SIM2: variants seen among roughly 807,000 people sequenced by gnomAD.
SIM2 encodes the protein single-minded homolog 2.
In SIM2, 28 loss-of-function variants were observed where a neutral mutation model predicts 64.8. The ratio of observed to expected loss-of-function variants is 0.43; its 90% CI spans 0.32 to 0.59. The LOEUF is 0.59. SIM2 is among the 20% of genes least tolerant of loss of function. The probability of loss-of-function intolerance (pLI) is 0.07; values close to 1 mark genes in which losing one functional copy is unlikely to be tolerated. For synonymous variants in SIM2, 408 were observed against 391.1 expected (o/e 1.04, Z -0.51); for missense variants, 847 against 871.4 (o/e 0.97, Z 0.35).
chr21:36,746,500 G>A (rs946534554), intron 10 of SIM2, among the ~76,000 whole-genome samples: 3 of 152,154 alleles, frequency 2.0e-5, no homozygotes, highest in African/African-American at 7.2e-5. Flanking sequence ...ATTGTGACTT[G>A]AGGCTGAGAT....
chr21:36,727,478 G>A (rs1163434159), intron 6 of SIM2, among the ~76,000 whole-genome samples: 3 of 152,202 alleles, frequency 2.0e-5, no homozygotes, highest in African/African-American at 4.8e-5. Context: ...TTGAGGCCAC[G>A]TGCTAGTCAG....
Position 36,744,858 on chromosome 21 carries a change from C to T in SIM2, c.1298C>T (p.Thr433Met), listed in dbSNP as rs1268421048. The T allele has an allele frequency of 1.9e-6, 3 of 1,614,128 alleles. No homozygotes were observed. The highest frequency in any genetic ancestry group is 1.7e-5 in the Admixed American group (1 of 60,010). The change falls in exon 10 of 11, where the codon ACG becomes ATG. Residue 433 changes from threonine to methionine, a missense_variant. By Grantham distance (81) the Thr-to-Met change is moderately conservative (BLOSUM62 -1). This residue lies in a region of SIM2 where 447 missense variants were observed against 414.6 expected (regional missense o/e 1.08). Transcript: ENST00000290399. ...TCAGAAAGCAGTGACCTTCTGTACACGCCATCCTACAGCCTGCCCTTCTCC... is the reference window on the plus strand; with the variant it reads ...TCAGAAAGCAGTGACCTTCTGTACATGCCATCCTACAGCCTGCCCTTCTCC... ...PHSESSDLLYTPSYSLPFSYH... is the reference protein window; with the variant it reads ...PHSESSDLLYMPSYSLPFSYH...
At chr21:36,734,028 GA>G (rs769839443) in intron 7 of SIM2, among the ~76,000 whole-genome samples, 1 of 152,090 alleles carries the variant, frequency 6.6e-6, no homozygotes, top group African/African-American at 2.4e-5. Context: ...TTTCCCAGGT[GA>G]TCAGGGTGAG....
Position 36,709,209 on chromosome 21 carries a change from C to T in SIM2, c.217C>T (p.Leu73=), listed in dbSNP as rs767347339. ...GGGACAGCCGAGCCGCGCCGGGCCC[C>T]TGGACGGCGTCGCCAAGGAGCTGGG... ...AWGQPSRAGP[L]DGVAKELGSH... Residue 73 remains leucine (L), a synonymous_variant, in exon 2 of 11, where the codon CTG becomes TTG. Transcript: ENST00000290399. 9.3e-6 allele frequency: 15 copies of T among 1,610,482 alleles called. No homozygotes were observed. Among genetic ancestry groups the T allele is most frequent in the Non-Finnish European group, 1.3e-5 (15 of 1,178,910 alleles).
In SIM2 at chr21:36,744,751, C is replaced by T. The variant is rs761052170; in HGVS notation, c.1191C>T (p.Asp397=). 6.2e-7 allele frequency: 1 copy of T among 1,608,344 alleles called. No homozygotes were observed. Among genetic ancestry groups the T allele is most frequent in the South Asian group, 1.1e-5 (1 of 89,948 alleles). ...PPQQYSSFQM[D]KLECGQLGNW... Reference sequence around the variant, plus strand: ...AGCAATACAGCTCGTTCCAAATGGACAAACTGGAATGCGGCCAGCTCGGAA... The same window carrying T: ...AGCAATACAGCTCGTTCCAAATGGATAAACTGGAATGCGGCCAGCTCGGAA... The change falls in exon 10 of 11, where the codon GAC becomes GAT. Residue 397 remains aspartate, a synonymous_variant. Coordinates refer to ENST00000290399, the MANE Select transcript of SIM2 (RefSeq NM_005069.6).
rs140251004 is a variant in SIM2, at chr21:36,725,781, C to T, written c.544-338C>T. 1.9e-3 allele frequency among the ~76,000 whole-genome samples: 287 copies of T among 152,202 alleles called. 2 individuals are homozygous for T. The highest frequency in any genetic ancestry group is 6.7e-3 in the African/African-American group (278 of 41,534). Reference sequence around the variant, plus strand: ...GACTATAGGCATGCACCACCATGCCCGGATAATTTTTGTATTTTTTGTAGA... The same window carrying T: ...GACTATAGGCATGCACCACCATGCCTGGATAATTTTTGTATTTTTTGTAGA... On this transcript the variant is annotated intron_variant, in intron 5 of 10. Coordinates refer to ENST00000290399, the MANE Select transcript of SIM2 (RefSeq NM_005069.6).
chr21:36,722,446 C>T (rs1171711655), intron 4 of SIM2, among the ~76,000 whole-genome samples: 1 of 152,218 alleles, frequency 6.6e-6, no homozygotes, highest in Non-Finnish European at 1.5e-5. Context: ...CCTCGCCCTC[C>T]CTTAGAGGTC....
chr21:36,725,981 G>C, intron 5 of SIM2, 138 bp from the exon 6 acceptor site: 2 of 668,930 alleles, frequency 3.0e-6, no homozygotes, highest in Non-Finnish European at 5.2e-6. Flanking sequence ...ACCGGTGCCT[G>C]TCAGCACATT....
chr21:36,741,294 C>CT (rs747749936), intron 7 of SIM2, among the ~76,000 whole-genome samples: 5 of 152,238 alleles, frequency 3.3e-5, no homozygotes, highest in Non-Finnish European at 7.3e-5. Flanking sequence ...ATGCACTTAA[C>CT]TGACTACTTT....
intron 1 of SIM2, among the ~76,000 whole-genome samples, chr21:36,708,012 G>C (rs986707966): frequency 6.6e-6 from 1 of 152,230 alleles, no homozygotes; most frequent in African/African-American, 2.4e-5. Flanking sequence ...AGCGCCCGCA[G>C]CTCGCTCCGC....
intron 3 of SIM2, among the ~76,000 whole-genome samples, chr21:36,717,897 G>A (rs949189674): frequency 2.6e-5 from 4 of 152,172 alleles, no homozygotes; most frequent in Non-Finnish European, 5.9e-5. Flanking sequence ...GGAATGACTC[G>A]AAAGAAGAAT....
At position 36,726,335 on chromosome 21, in the gene SIM2, C is replaced by A; in HGVS notation, c.743+17C>A. On this transcript the variant is annotated intron_variant, in intron 6 of 10. Transcript: ENST00000290399. This position sits in a 1 kb window ranked among gnomAD's most constrained non-coding sequence, Gnocchi z 4.5. ...GGATTCCAGGTGAGTTCGGCACCTG[C>A]CACAGTGGCTGTGGCCTTCTGGAAG... 6.2e-7 allele frequency: 1 copy of A among 1,604,802 alleles called. No individual in the cohort carries two copies. Among genetic ancestry groups the A allele is most frequent in the Non-Finnish European group, 8.5e-7 (1 of 1,174,812 alleles).
In SIM2 at chr21:36,747,983, C is replaced by T. The variant is rs1456011609; in HGVS notation, c.1895C>T (p.Ala632Val). The T allele has an allele frequency of 9.5e-7, 1 of 1,051,896 alleles. No homozygotes were observed. The highest frequency in any genetic ancestry group is 4.4e-4 in the Middle Eastern group (1 of 2,256). 65.2% of individuals were successfully genotyped at this position (1,051,896 alleles called of 1,614,324 possible). The stretch of plus-strand genomic sequence containing the variant: ...TGCGCTCCCGGCGGCCCCGAGGCGG[C>T]GACCGGCGCGCTGCGGCTCCGGCAC... ...LACAPGGPEA[A>V]TGALRLRHPS... Residue 632 changes from alanine to valine, a missense_variant, in exon 11 of 11, where the codon GCG (alanine) becomes GTG (valine). By Grantham distance (64) the Ala-to-Val change is moderately conservative. This residue lies in a region of SIM2 where 447 missense variants were observed against 414.6 expected (regional missense o/e 1.08). Transcript: ENST00000290399. This position sits in a 1 kb window ranked among gnomAD's most constrained non-coding sequence, Gnocchi z 4.5.
chr21:36,734,882 C>T (rs565287750), intron 7 of SIM2, among the ~76,000 whole-genome samples: 3 of 152,332 alleles, frequency 2.0e-5, no homozygotes, highest in South Asian at 4.1e-4. Context: ...CTGTTCCTGC[C>T]TCTCCATCCC....
chr21:36,737,762 C>T (rs895691240), intron 7 of SIM2, among the ~76,000 whole-genome samples: 4 of 151,890 alleles, frequency 2.6e-5, no homozygotes, highest in Admixed American at 1.3e-4. Flanking sequence ...GAGTTTGAGA[C>T]CAGCCTGGCC....
chr21:36,744,251 C>T (rs2089198972), intron 9 of SIM2, among the ~76,000 whole-genome samples: 2 of 134,516 alleles, frequency 1.5e-5, no homozygotes, highest in Admixed American at 8.5e-5. Flanking sequence ...GCCAAGTGAA[C>T]TTTGGTAATG....
chr21:36,706,731 G>A (rs1469291008), intron 1 of SIM2, among the ~76,000 whole-genome samples: 5 of 152,124 alleles, frequency 3.3e-5, no homozygotes, highest in African/African-American at 1.2e-4. Flanking sequence ...CCACGGCCCC[G>A]GGTGGGGTGG....
intron 1 of SIM2, among the ~76,000 whole-genome samples, chr21:36,704,711 G>A (rs1335108530): frequency 6.6e-6 from 1 of 152,228 alleles, no homozygotes; most frequent in Non-Finnish European, 1.5e-5. Flanking sequence ...CGGCAATGGG[G>A]GCACCGGGCC....
At position 36,723,067 on chromosome 21, in the gene SIM2, C is replaced by T; in HGVS notation, c.480C>T (p.Phe160=). Residue 160 remains phenylalanine (F), a synonymous_variant, in exon 5 of 11, where the codon TTC becomes TTT. Coordinates refer to ENST00000290399, the MANE Select transcript of SIM2 (RefSeq NM_005069.6). The stretch of plus-strand genomic sequence containing the variant: ...CAGAGTATGAGATAGAGAGGTCGTT[C>T]TTTCTTCGAATGAAATGTGTCTTGG... The part of the protein sequence containing the change: ...LLQEYEIERS[F]FLRMKCVLAK... The T allele has an allele frequency of 6.2e-7, 1 of 1,614,192 alleles. No homozygotes were observed. The highest frequency in any genetic ancestry group is 8.5e-7 in the Non-Finnish European group (1 of 1,180,022).
Sources: allele counts gnomAD v4.1 joint callset (sites outside exome capture counted in the v4.1 genomes callset), GRCh38; gene constraint gnomAD v4.1.1; regional missense constraint gnomAD v4.1.1; non-coding constraint Gnocchi (gnomAD v3.1); transcripts MANE v1.5; gene names NCBI Gene and HGNC (gene_info 2026-07-23, HGNC 2026-07-21).